RBFOX1: variants seen among roughly 807,000 people sequenced by gnomAD.
RBFOX1 encodes the protein RNA binding fox-1 homolog 1.
Under a neutral mutation model 57.7 loss-of-function variants are expected in RBFOX1, and 8 were observed. The observed-to-expected ratio is 0.14, with a 90% CI of 0.08 to 0.25. The LOEUF is 0.25. RBFOX1 is among the 10% of genes least tolerant of loss of function. The probability of loss-of-function intolerance (pLI) is 1.00; values close to 1 mark genes in which losing one functional copy is unlikely to be tolerated. For synonymous variants in RBFOX1, 326 were observed against 222.4 expected, an observed-to-expected ratio of 1.47 and a Z score of -4.15; for missense variants, 611 against 548.5, an observed-to-expected ratio of 1.11 and a Z score of -1.14.
At chr16:6,844,576 G>C (rs2093660967) in intron 3 of RBFOX1, among the ~76,000 whole-genome samples, 1 of 151,518 alleles carries the variant, frequency 6.6e-6, no homozygotes, top group Non-Finnish European at 1.5e-5. Flanking sequence ...TTTTTATCCA[G>C]TCTTTGTCAT....
chr16:6,904,285 C>T (rs765748461), intron 3 of RBFOX1, among the ~76,000 whole-genome samples: 4 of 152,038 alleles, frequency 2.6e-5, no homozygotes, highest in Non-Finnish European at 4.4e-5. Flanking sequence ...CTGTGAGGCA[C>T]GAGTGGTAGG....
chr16:6,859,152 T>TATACGTATACGTATAC (rs1491258507), intron 3 of RBFOX1, among the ~76,000 whole-genome samples: 26 of 77,086 alleles, frequency 3.4e-4, no homozygotes, highest in African/African-American at 1.7e-3. Context: ...TATATATATA[T>TATACGTATACGTATAC]GTATATATAT....
chr16:5,814,671 G>A (rs1044693901), intron 3 of RBFOX1, among the ~76,000 whole-genome samples: 1 of 152,216 alleles, frequency 6.6e-6, no homozygotes, highest in Non-Finnish European at 1.5e-5. Context: ...GCTCACGCCT[G>A]TAATCCCAGC....
chr16:7,576,565 T>A (rs1008802964), intron 5 of RBFOX1, among the ~76,000 whole-genome samples: 7 of 152,228 alleles, frequency 4.6e-5, no homozygotes, highest in Admixed American at 4.6e-4. Flanking sequence ...TACGCATTTG[T>A]ATATAAGCAT....
rs551887679 is a variant in RBFOX1, at chr16:7,050,810, ATGT to A, written c.-15-1239_-15-1237del. Among the ~76,000 whole-genome samples the A allele has an allele frequency of 1.4e-3, 210 of 152,166 alleles. 1 individual carries two copies. Among genetic ancestry groups the A allele is most frequent in the African/African-American group, 4.6e-3 (191 of 41,510 alleles). On this transcript the variant is annotated intron_variant, in intron 3 of 15. Coordinates refer to ENST00000550418, the MANE Select transcript of RBFOX1 (RefSeq NM_018723.4). ...TTTATAATTTCTTTTTTCATACATA[ATGT>A]TGTTGTTAATTGACATGGAAATAAA...
intron 2 of RBFOX1, among the ~76,000 whole-genome samples, chr16:6,396,138 G>T (rs2092824604): frequency 6.6e-6 from 1 of 150,752 alleles, no homozygotes; most frequent in South Asian, 2.1e-4. Flanking sequence ...GCTTGTTTTG[G>T]AGTAATCCTA....
At chr16:7,184,825 T>C (rs1393434095) in intron 4 of RBFOX1, among the ~76,000 whole-genome samples, 2 of 152,124 alleles carry the variant, frequency 1.3e-5, no homozygotes, top group African/African-American at 4.8e-5. Context: ...TTAGAGGAGA[T>C]CCTTGCCCTT....
chr16:7,575,420 A>G (rs1374253747), intron 5 of RBFOX1, among the ~76,000 whole-genome samples: 1 of 152,206 alleles, frequency 6.6e-6, no homozygotes, highest in East Asian at 1.9e-4. Context: ...GGTGTAAGCC[A>G]CCGCACCCGA....
intron 3 of RBFOX1, among the ~76,000 whole-genome samples, chr16:6,894,169 C>T (rs141182845): frequency 6.6e-6 from 1 of 152,074 alleles, no homozygotes; most frequent in African/African-American, 2.4e-5. Flanking sequence ...TATCTCTTGT[C>T]TGTCTGTCTG....
intron 1 of RBFOX1, among the ~76,000 whole-genome samples, chr16:5,284,245 T>C (rs1277768096): frequency 6.6e-6 from 1 of 152,166 alleles, no homozygotes; most frequent in Non-Finnish European, 1.5e-5. Context: ...AATTGCCCAG[T>C]CTCAGTCAGG....
chr16:5,478,566 C>A (rs1356762472), intron 2 of RBFOX1, among the ~76,000 whole-genome samples: 4 of 152,180 alleles, frequency 2.6e-5, no homozygotes, highest in East Asian at 3.8e-4. Flanking sequence ...CTTATGAATG[C>A]AGGATTAGAA....
At chr16:7,377,575 T>G (rs1174091952) in intron 4 of RBFOX1, among the ~76,000 whole-genome samples, 2 of 152,202 alleles carry the variant, frequency 1.3e-5, no homozygotes, top group Non-Finnish European at 2.9e-5. Flanking sequence ...GGAAAAAATG[T>G]TTTAGATTTG....
At chr16:6,658,541 ATTC>A (rs2098677443) in intron 3 of RBFOX1, among the ~76,000 whole-genome samples, 1 of 152,094 alleles carries the variant, frequency 6.6e-6, no homozygotes, top group African/African-American at 2.4e-5. Flanking sequence ...CAATAAAATC[ATTC>A]TTCTTTATCT....
chr16:6,704,434 A>C (rs1254873892), intron 3 of RBFOX1: 3 of 152,298 alleles, frequency 2.0e-5, no homozygotes, highest in African/African-American at 7.2e-5. Context: ...GTCTCTGCCC[A>C]CATGGCTCTA....
intron 1 of RBFOX1, among the ~76,000 whole-genome samples, chr16:5,360,858 A>C (rs1188128863): frequency 6.6e-6 from 1 of 152,136 alleles, no homozygotes; most frequent in Non-Finnish European, 1.5e-5. Context: ...AGTATGACTG[A>C]CTGATCTTAT....
chr16:7,393,374 T>G (rs943466895), intron 4 of RBFOX1, among the ~76,000 whole-genome samples: 2 of 152,190 alleles, frequency 1.3e-5, no homozygotes, highest in African/African-American at 4.8e-5. Context: ...TCCACAAGTT[T>G]TCTTTGGTAT....
intron 3 of RBFOX1, among the ~76,000 whole-genome samples, chr16:5,797,082 A>G (rs1023309663): frequency 1.4e-4 from 21 of 152,172 alleles, no homozygotes; most frequent in African/African-American, 4.8e-4. Flanking sequence ...AGACTGGTAG[A>G]TGGGGATGGT....
chr16:5,255,066 A>G (rs2062549978), intron 1 of RBFOX1, among the ~76,000 whole-genome samples: 1 of 152,166 alleles, frequency 6.6e-6, no homozygotes, highest in South Asian at 2.1e-4. Flanking sequence ...TCAGATCAAC[A>G]TCTTCTGTTA....
At chr16:7,203,107 T>C (rs1028199323) in intron 4 of RBFOX1, among the ~76,000 whole-genome samples, 6 of 152,316 alleles carry the variant, frequency 3.9e-5, no homozygotes, top group South Asian at 2.1e-4. Flanking sequence ...TTTACACTCA[T>C]ATTCATAACA....
Sources: gnomAD v4.1 joint callset for allele counts (sites outside exome capture counted in the v4.1 genomes callset) on GRCh38, gnomAD v4.1.1 for gene constraint, MANE v1.5 for transcripts, NCBI Gene and HGNC (gene_info 2026-07-23, HGNC 2026-07-21) for gene names.